GIMAP4: variants seen among roughly 807,000 people sequenced by gnomAD.
GIMAP4 encodes the protein GTPase, IMAP family member 4, also known as GTPase IMAP family member 4.
A neutral mutation model predicts 10.8 loss-of-function variants in GIMAP4; 12 were observed. The ratio of observed to expected loss-of-function variants is 1.11; its 90% CI spans 0.71 to 1.81. The LOEUF is 1.81. GIMAP4 is among the 40% of genes most tolerant of loss of function. The pLI is 0.00. For synonymous variants in GIMAP4, 149 were observed against 147.2 expected (o/e 1.01, Z -0.09); for missense variants, 412 against 404.6 (o/e 1.02, Z -0.16).
At chr7:150,569,570 G>A (rs546663942) in intron 1 of GIMAP4, among the ~76,000 whole-genome samples, 21 of 152,152 alleles carry the variant, frequency 1.4e-4, no homozygotes, top group Non-Finnish European at 1.6e-4. Flanking sequence ...AGATATAAAA[G>A]TTTGGAACTC....
chr7:150,572,051 G>C (rs1795734793), intron 2 of GIMAP4, 78 bp from the exon 3 acceptor site: 1 of 885,226 alleles, frequency 1.1e-6, no homozygotes, highest in Non-Finnish European at 1.8e-6. Context: ...GGAGGGCACT[G>C]GGGGTGAGGA....
Position 150,573,011 on chromosome 7 carries a change from C to A in GIMAP4, c.941C>A (p.Ala314Glu). 3 of 1,608,596 alleles carry A rather than the reference C, an allele frequency of 1.9e-6. No individual in the cohort carries two copies. In the South Asian group the frequency reaches 3.3e-5, roughly 18 times the overall value. Residue 314 changes from alanine to glutamate, a missense_variant, in exon 3 of 3, where the codon GCG becomes GAG. Coordinates refer to ENST00000255945, the MANE Select transcript of GIMAP4 (RefSeq NM_018326.3). ...GGGATACTTGAATTAATCATGACAG[C>A]GTTACAGATTGCTTCCTTTATTTTG... ...KDGILELIMTALQIASFILLR... is the reference protein window; with the variant it reads ...KDGILELIMTELQIASFILLR...
intron 2 of GIMAP4, 92 bp from the exon 3 acceptor site, chr7:150,572,037 C>T (rs769050674): frequency 7.8e-6 from 6 of 768,440 alleles, no homozygotes; most frequent in Non-Finnish European, 1.1e-5. Context: ...CAGCCAGTAA[C>T]GGAGGAGGGC....
chr7:150,568,678 C>T (rs567900078), intron 1 of GIMAP4, among the ~76,000 whole-genome samples: 4 of 152,202 alleles, frequency 2.6e-5, no homozygotes, highest in South Asian at 2.1e-4. Context: ...TAACAATGAT[C>T]GATAACCATT....
chr7:150,568,166 AT>A (rs1387273995), intron 1 of GIMAP4, among the ~76,000 whole-genome samples: 1 of 152,216 alleles, frequency 6.6e-6, no homozygotes, highest in Non-Finnish European at 1.5e-5. Context: ...GAAGGAGGAT[AT>A]GAAGAAACAC....
At position 150,572,691 on chromosome 7, in the gene GIMAP4, C is replaced by G; in HGVS notation, c.621C>G (p.Gly207=). Residue 207 remains glycine, a synonymous_variant, in exon 3 of 3, where the codon GGC becomes GGG. Coordinates refer to ENST00000255945, the MANE Select transcript of GIMAP4 (RefSeq NM_018326.3). ...EQEAQRAQLL[G]LIQRVVRENK... is the part of the protein sequence containing the mutation. ...AGGCCCAGAGGGCACAGTTGCTGGGCCTGATCCAGCGCGTGGTGAGGGAGA... is the reference window on the plus strand; with the variant it reads ...AGGCCCAGAGGGCACAGTTGCTGGGGCTGATCCAGCGCGTGGTGAGGGAGA... The G allele has an allele frequency of 6.2e-7, 1 of 1,614,118 alleles. No individual in the cohort carries two copies. The highest frequency in any genetic ancestry group is 8.5e-7 in the Non-Finnish European group (1 of 1,179,976).
Position 150,572,701 on chromosome 7 carries a change from C to A in GIMAP4, c.631C>A (p.Arg211Ser), listed in dbSNP as rs778030006. 2.5e-6 allele frequency: 4 copies of A among 1,614,080 alleles called. No individual in the cohort carries two copies. In the South Asian group the frequency reaches 4.4e-5, roughly 18 times the overall value. ...QRAQLLGLIQ[R>S]VVRENKEGCY... ...GGCACAGTTGCTGGGCCTGATCCAG[C>A]GCGTGGTGAGGGAGAACAAGGAAGG... Residue 211 changes from arginine (R) to serine (S), a missense_variant, in exon 3 of 3, where the codon CGC becomes AGC. Arg to Ser is a moderately radical substitution (Grantham distance 110). Coordinates refer to ENST00000255945, the MANE Select transcript of GIMAP4 (RefSeq NM_018326.3).
chr7:150,572,655 C>G lies in GIMAP4; in HGVS notation c.585C>G (p.Gly195=). 1.9e-6 allele frequency: 3 copies of G among 1,614,160 alleles called. No homozygotes were observed. The highest frequency in any genetic ancestry group is 1.1e-5 in the South Asian group (1 of 91,086). ...GTGCGTTAAACAACAAGGCAACAGG[C>G]GCTGAGCAGGAGGCCCAGAGGGCAC... ...RYCALNNKAT[G]AEQEAQRAQL... The change falls in exon 3 of 3, where the codon GGC becomes GGG. Residue 195 remains glycine (G), a synonymous_variant. Transcript: ENST00000255945.
intron 1 of GIMAP4, 64 bp from the exon 2 acceptor site, chr7:150,569,824 C>T: frequency 1.3e-6 from 1 of 777,118 alleles, no homozygotes; most frequent in Non-Finnish European, 2.3e-6. Context: ...TGACTACAGG[C>T]AGTCAGGGAT....
At position 150,572,104 on chromosome 7, in the gene GIMAP4, C is replaced by CTTT; in HGVS notation, c.59-16_59-14dup. On this transcript the variant is annotated intron_variant, in intron 2 of 2. Transcript: ENST00000255945. Reference sequence around the variant, plus strand: ...TTAGAGGTAGATTCTAACAGCATGGCTTTTTTTTTTTCTTGATGTCCCAGG... The same window carrying CTTT: ...TTAGAGGTAGATTCTAACAGCATGGCTTTTTTTTTTTTTTCTTGATGTCCCAGG... 4.4e-6 allele frequency: 5 copies of CTTT among 1,144,374 alleles called. No homozygotes were observed. In the African/African-American group the frequency reaches 4.6e-5, roughly 11 times the overall value. 70.9% of individuals were successfully genotyped at this position (1,144,374 alleles called of 1,614,324 possible). A position where few individuals can be genotyped will look rare whatever the true frequency, so the allele number is the denominator to read the frequency against.
chr7:150,572,114 T>C lies in GIMAP4; in HGVS notation c.59-15T>C. 1 of 1,548,766 alleles carries C rather than the reference T, an allele frequency of 6.5e-7. No homozygotes were observed. Among genetic ancestry groups the C allele is most frequent in the Non-Finnish European group, 8.8e-7 (1 of 1,134,942 alleles). Reference sequence around the variant, plus strand: ...ATTCTAACAGCATGGCTTTTTTTTTTTCTTGATGTCCCAGGGCCTGGAAGG... The same window carrying C: ...ATTCTAACAGCATGGCTTTTTTTTTCTCTTGATGTCCCAGGGCCTGGAAGG... On this transcript the variant is annotated splice_polypyrimidine_tract_variant and intron_variant, in intron 2 of 2. Transcript: ENST00000255945.
At chr7:150,568,482 A>C (rs1374875687) in intron 1 of GIMAP4, among the ~76,000 whole-genome samples, 1 of 152,240 alleles carries the variant, frequency 6.6e-6, no homozygotes, top group Non-Finnish European at 1.5e-5. Flanking sequence ...TTCTTCAAAT[A>C]TCTTTCTCCA....
At position 150,572,895 on chromosome 7, in the gene GIMAP4, A is replaced by G; in HGVS notation, c.825A>G (p.Arg275=). 1 of 1,614,122 alleles carries G rather than the reference A, an allele frequency of 6.2e-7. No individual in the cohort carries two copies. Among genetic ancestry groups the G allele is most frequent in the Non-Finnish European group, 8.5e-7 (1 of 1,180,020 alleles). Residue 275 remains arginine, a synonymous_variant, in exon 3 of 3, where the codon AGA becomes AGG. Transcript: ENST00000255945. ...KLEDKVEQEK[R]KKQMEKKLAE... is the part of the protein sequence containing the mutation. ...AAGATAAAGTGGAGCAGGAAAAGAG[A>G]AAGAAGCAAATGGAGAAGAAACTAG... is the stretch of plus-strand genomic sequence containing the variant.
At chr7:150,569,845 T>C (rs1795707577) in intron 1 of GIMAP4, 43 bp from the exon 2 acceptor site, 1 of 914,230 alleles carries the variant, frequency 1.1e-6, no homozygotes, top group Non-Finnish European at 1.8e-6. Flanking sequence ...TCTAGTTGCT[T>C]CCATTTCCCT....
chr7:150,572,161 T>A lies in GIMAP4; in HGVS notation c.91T>A (p.Leu31Met), dbSNP rs113262562. 4.3e-6 allele frequency: 7 copies of A among 1,612,820 alleles called. No homozygotes were observed. The South Asian group carries it at 7.7e-5, about 18-fold the overall frequency. The change falls in exon 3 of 3, where the codon TTG becomes ATG. Residue 31 changes from leucine (L) to methionine (M), a missense_variant. Transcript: ENST00000255945. ...AAGGCAAGAGCCCAGAAATTCCCAATTGAGAATTGTGTTAGTGGGTAAAAC... is the reference window on the plus strand; with the variant it reads ...AAGGCAAGAGCCCAGAAATTCCCAAATGAGAATTGTGTTAGTGGGTAAAAC... ...PGRQEPRNSQ[L>M]RIVLVGKTGA...
Position 150,572,725 on chromosome 7 carries a change from G to A in GIMAP4, c.655G>A (p.Gly219Ser). The change falls in exon 3 of 3, where the codon GGC becomes AGC. Residue 219 changes from glycine to serine, a missense_variant. By Grantham distance (56) the Gly-to-Ser change is moderately conservative. Transcript: ENST00000255945. Reference sequence around the variant, plus strand: ...GCGCGTGGTGAGGGAGAACAAGGAAGGCTGCTACACTAATAGGATGTACCA... The same window carrying A: ...GCGCGTGGTGAGGGAGAACAAGGAAAGCTGCTACACTAATAGGATGTACCA... ...IQRVVRENKEGCYTNRMYQRA... is the reference protein window; with the variant it reads ...IQRVVRENKESCYTNRMYQRA... 2 of 1,614,194 alleles carry A rather than the reference G, an allele frequency of 1.2e-6. No individual in the cohort carries two copies. Among genetic ancestry groups the A allele is most frequent in the South Asian group, 1.1e-5 (1 of 91,084 alleles).
chr7:150,570,712 G>T (rs939606461), intron 2 of GIMAP4, among the ~76,000 whole-genome samples: 2 of 152,144 alleles, frequency 1.3e-5, no homozygotes, highest in Non-Finnish European at 2.9e-5. Flanking sequence ...CTGGTAGTTA[G>T]CAAGCTCTCA....
Position 150,572,766 on chromosome 7 carries a change from G to A in GIMAP4, c.696G>A (p.Glu232=). 6.2e-7 allele frequency: 1 copy of A among 1,614,210 alleles called. No individual in the cohort carries two copies. Among genetic ancestry groups the A allele is most frequent in the Non-Finnish European group, 8.5e-7 (1 of 1,180,046 alleles). ...GGATGTACCAAAGGGCGGAGGAGGA[G>A]ATCCAGAAGCAAACACAAGCAATGC... ...TNRMYQRAEE[E]IQKQTQAMQE... is the part of the protein sequence containing the mutation. The change falls in exon 3 of 3, where the codon GAG becomes GAA. Residue 232 remains glutamate (E), a synonymous_variant. Transcript: ENST00000255945.
chr7:150,569,780 T>C lies in GIMAP4; in HGVS notation c.-14-108T>C, dbSNP rs2116716329. 7.8e-6 allele frequency: 5 copies of C among 643,542 alleles called. 1 individual carries two copies. In the East Asian group the frequency reaches 7.9e-5, roughly 10 times the overall value. 39.9% of individuals were successfully genotyped at this position (643,542 alleles called of 1,614,324 possible). On this transcript the variant is annotated intron_variant, in intron 1 of 2. Coordinates refer to ENST00000255945, the MANE Select transcript of GIMAP4 (RefSeq NM_018326.3). ...TGGGAAATGGAGCAGGAGAAATCAATGTAGCAAGCTCATGGCAAAAAGAAA... is the reference window on the plus strand; with the variant it reads ...TGGGAAATGGAGCAGGAGAAATCAACGTAGCAAGCTCATGGCAAAAAGAAA...
Sources: allele counts gnomAD v4.1 joint callset (sites outside exome capture counted in the v4.1 genomes callset), GRCh38; gene constraint gnomAD v4.1.1; transcripts MANE v1.5; gene names NCBI Gene and HGNC (gene_info 2026-07-23, HGNC 2026-07-21).